The following LRCH3 variants were observed in gnomAD, a reference collection of about 807,000 sequenced individuals.
LRCH3 encodes the protein DISP complex protein LRCH3.
In LRCH3, 68 loss-of-function variants were observed where a neutral mutation model predicts 104.5. That is an observed-to-expected ratio of 0.65 (90% CI 0.54 to 0.80). The LOEUF is 0.80. LRCH3 is among the 30% of genes least tolerant of loss of function. The pLI is 0.00. For missense variants in LRCH3, 951 were observed against 953.9 expected, an observed-to-expected ratio of 1.00 and a Z score of 0.04; for synonymous variants, 344 against 361.3, an observed-to-expected ratio of 0.95 and a Z score of 0.54.
At position 197,791,528 on chromosome 3, in the gene LRCH3, AC is replaced by A; in HGVS notation, c.252del (p.Thr85ProfsTer15). 2 of 1,587,602 alleles carry A rather than the reference AC, an allele frequency of 1.3e-6. No homozygotes were observed. Among genetic ancestry groups the A allele is most frequent in the Non-Finnish European group, 1.7e-6 (2 of 1,170,292 alleles). ...AGCGGCCAACCACGACCTGACGGAC[AC>A]CACCCGGGCGGGTGAGCGGGGCGGG... ...RGAANHDLTD[T>X]TRADLSRNRL... On this transcript the variant is annotated frameshift_variant, in exon 1 of 21. Transcript: ENST00000425562. LOFTEE classifies it high-confidence loss of function.
intron 20 of LRCH3, chr3:197,882,617 A>G: frequency 1.0e-6 from 1 of 963,904 alleles, no homozygotes; most frequent in Non-Finnish European, 1.2e-6. Context: ...TGTTCTTTGT[A>G]AGAGCAATCT....
intron 2 of LRCH3, among the ~76,000 whole-genome samples, chr3:197,816,170 C>T (rs889009276): frequency 2.0e-5 from 3 of 152,082 alleles, no homozygotes; most frequent in African/African-American, 7.2e-5. Flanking sequence ...GGCTTATCAT[C>T]TCAGTAAAAG....
At position 197,887,911 on chromosome 3, in the gene LRCH3, T is replaced by C. The variant is rs1714364592; in HGVS notation, c.*4245T>C. 1 of 153,246 alleles carries C rather than the reference T, an allele frequency of 6.5e-6. No individual in the cohort carries two copies. The highest frequency in any genetic ancestry group is 1.5e-5 in the Non-Finnish European group (1 of 68,480). The allele number at this position is 153,246 out of a possible 1,614,324, so 9.5% of individuals were successfully genotyped here. On this transcript the variant is annotated 3_prime_UTR_variant, in exon 21 of 21. Coordinates refer to ENST00000425562, the MANE Select transcript of LRCH3 (RefSeq NM_001365715.1). ...GTTTCCCAGTATTTCAGACTCATAA[T>C]CTGTGTTTAGCACTCCAGTGTTCTC...
chr3:197,876,826 A>G (rs1362046567), intron 20 of LRCH3, among the ~76,000 whole-genome samples: 1 of 137,620 alleles, frequency 7.3e-6, no homozygotes, highest in Non-Finnish European at 1.6e-5. Context: ...TCTTTACCCA[A>G]CTCACCGCAC....
chr3:197,852,403 C>T, intron 12 of LRCH3, 158 bp from the exon 13 acceptor site: 1 of 669,090 alleles, frequency 1.5e-6, no homozygotes, highest in Non-Finnish European at 2.6e-6. Context: ...TTTAAAATTT[C>T]TAGCTAAACA....
chr3:197,870,165 G>T lies in LRCH3; in HGVS notation c.1879G>T (p.Ala627Ser). 6.2e-7 allele frequency: 1 copy of T among 1,612,660 alleles called. No homozygotes were observed. The highest frequency in any genetic ancestry group is 8.5e-7 in the Non-Finnish European group (1 of 1,178,860). ...GVRAETNKGH[A>S]SPLPPSAAPT... ...ACATATTAATATTTTTATAGGTCAT[G>T]CTTCACCCCTTCCTCCATCTGCTGC... Residue 627 changes from alanine to serine, a missense_variant, in exon 18 of 21, where the codon GCT becomes TCT. Physicochemically the swap from Ala to Ser is moderately conservative, Grantham distance 99 (BLOSUM62 1). Transcript: ENST00000425562.
intron 20 of LRCH3, among the ~76,000 whole-genome samples, chr3:197,876,842 G>A (rs369941840): frequency 1.9e-3 from 257 of 133,596 alleles, no homozygotes; most frequent in African/African-American, 7.3e-3. Flanking sequence ...CGCACCCATG[G>A]CAGTGATTCT....
intron 1 of LRCH3, among the ~76,000 whole-genome samples, chr3:197,813,486 C>T (rs1002943729): frequency 1.4e-5 from 2 of 139,504 alleles, no homozygotes; most frequent in African/African-American, 5.3e-5. Flanking sequence ...GGTAATGTTC[C>T]GTTCTTCTAA....
chr3:197,843,425 G>C (rs1560570799), intron 10 of LRCH3, among the ~76,000 whole-genome samples: 1 of 152,186 alleles, frequency 6.6e-6, no homozygotes, highest in Non-Finnish European at 1.5e-5. Context: ...TAATACACCT[G>C]TAATCCCAGC....
At chr3:197,813,510 A>ATTTTGTTTTTTTTTTTTTTT (rs1733437992) in intron 1 of LRCH3, among the ~76,000 whole-genome samples, 1 of 66,032 alleles carries the variant, frequency 1.5e-5, no homozygotes, top group African/African-American at 4.7e-5. Flanking sequence ...GAGGCATATA[A>ATTTTGTTTTTTTTTTTTTTT]TTTTTTTTTT....
intron 14 of LRCH3, among the ~76,000 whole-genome samples, chr3:197,857,148 A>G (rs937469191): frequency 2.0e-5 from 3 of 147,862 alleles, no homozygotes; most frequent in Non-Finnish European, 3.0e-5. Flanking sequence ...ATCAGTTTAC[A>G]CTGACATTGT....
At position 197,882,536 on chromosome 3, in the gene LRCH3, CA is replaced by C. The variant is rs973886924; in HGVS notation, c.2209-998del. The C allele has an allele frequency of 5.0e-4, 435 of 872,078 alleles. 8 individuals carry two copies. In the African/African-American group the frequency reaches 8.6e-3, roughly 17 times the overall value. 54.0% of individuals were successfully genotyped at this position (872,078 alleles called of 1,614,324 possible). On this transcript the variant is annotated intron_variant, in intron 20 of 20. Coordinates refer to ENST00000425562, the MANE Select transcript of LRCH3 (RefSeq NM_001365715.1). ...GAAAAGCAAAACAAAAAACAAAAAACAAAAAAACCCAACTAGTTGTTTTAAC... is the reference window on the plus strand; with the variant it reads ...GAAAAGCAAAACAAAAAACAAAAAACAAAAAACCCAACTAGTTGTTTTAAC...
intron 20 of LRCH3, chr3:197,882,166 C>A (rs1454245015): frequency 2.0e-6 from 2 of 985,366 alleles, no homozygotes; most frequent in Admixed American, 1.2e-4. Flanking sequence ...TGAGGGTGCC[C>A]CAGAAAGCAC....
intron 1 of LRCH3, among the ~76,000 whole-genome samples, chr3:197,804,522 A>G (rs1016165146): frequency 6.6e-6 from 1 of 152,218 alleles, no homozygotes; most frequent in African/African-American, 2.4e-5. Flanking sequence ...CCCATCGTGT[A>G]TCCAGAGCTC....
intron 14 of LRCH3, among the ~76,000 whole-genome samples, chr3:197,858,419 T>C (rs189272871): frequency 6.6e-6 from 1 of 152,246 alleles, no homozygotes; most frequent in East Asian, 1.9e-4. Flanking sequence ...AATTATAATA[T>C]ATATAATTTG....
At position 197,866,100 on chromosome 3, in the gene LRCH3, A is replaced by G; in HGVS notation, c.1766-12A>G. ...CTCCTTTAATCTCATTTTATTTTTC[A>G]TGCTAATTTAGTTCATCATTCCCCT... is the stretch of plus-strand genomic sequence containing the variant. On this transcript the variant is annotated splice_polypyrimidine_tract_variant and intron_variant, in intron 16 of 20. Transcript: ENST00000425562. 6.3e-7 allele frequency: 1 copy of G among 1,575,138 alleles called. No individual in the cohort carries two copies. The highest frequency in any genetic ancestry group is 1.4e-5 in the African/African-American group (1 of 73,992).
intron 9 of LRCH3, among the ~76,000 whole-genome samples, chr3:197,837,349 A>G (rs1736969014): frequency 6.6e-6 from 1 of 152,198 alleles, no homozygotes; most frequent in African/African-American, 2.4e-5. Context: ...ATAAAAAAAT[A>G]GTATTTCTTT....
intron 10 of LRCH3, among the ~76,000 whole-genome samples, chr3:197,845,440 A>G (rs112846581): frequency 3.6e-4 from 54 of 151,778 alleles, no homozygotes; most frequent in African/African-American, 1.3e-3. Context: ...AGAAAGAAAC[A>G]TAGGTAGAAA....
intron 1 of LRCH3, among the ~76,000 whole-genome samples, chr3:197,795,185 T>C (rs1430896339): frequency 6.6e-6 from 1 of 152,062 alleles, no homozygotes; most frequent in Non-Finnish European, 1.5e-5. Context: ...TTTTAGGCAG[T>C]GGTGGACAGC....
Sources: allele counts gnomAD v4.1 joint callset (sites outside exome capture counted in the v4.1 genomes callset), GRCh38; gene constraint gnomAD v4.1.1; transcripts MANE v1.5; gene names NCBI Gene and HGNC (gene_info 2026-07-23, HGNC 2026-07-21).